The following LRP1B variants were observed in gnomAD, a reference collection of about 807,000 sequenced individuals.
LRP1B encodes the protein LDL receptor related protein 1B, also known as low-density lipoprotein receptor-related protein 1B.
In LRP1B, 217 loss-of-function variants were observed where a neutral mutation model predicts 556.6. That is an observed-to-expected ratio of 0.39 (90% CI 0.35 to 0.44). The LOEUF is 0.44. Ranked by LOEUF, LRP1B falls within the 20% of genes least tolerant of loss-of-function variation. The pLI is 1.00. For synonymous variants in LRP1B, 2,047 were observed against 1,865.8 expected, an observed-to-expected ratio of 1.10 and a Z score of -2.50; for missense variants, 5,053 against 5,620.8, an observed-to-expected ratio of 0.90 and a Z score of 3.23.
intron 3 of LRP1B, among the ~76,000 whole-genome samples, chr2:141,424,113 C>CTT (rs11465120): frequency 0.37 from 51,054 of 136,852 alleles, 10,587 homozygotes; most frequent in East Asian, 0.57. Flanking sequence ...AAGCCTTCAT[C>CTT]TTTTTTTTTT....
intron 41 of LRP1B, among the ~76,000 whole-genome samples, chr2:140,674,820 T>C (rs983124244): frequency 4.6e-5 from 7 of 152,234 alleles, no homozygotes; most frequent in African/African-American, 1.7e-4. Flanking sequence ...AGACATTTGT[T>C]ATAGCAGCAC....
chr2:141,944,770 G>C (rs1335623562), intron 1 of LRP1B, among the ~76,000 whole-genome samples: 1 of 152,076 alleles, frequency 6.6e-6, no homozygotes, highest in Non-Finnish European at 1.5e-5. Context: ...AATAAGTCAC[G>C]AATACAGGTA....
chr2:141,642,967 T>C (rs1274673894), intron 2 of LRP1B, among the ~76,000 whole-genome samples: 2 of 152,096 alleles, frequency 1.3e-5, no homozygotes, highest in South Asian at 2.1e-4. Context: ...TCGAGACCAA[T>C]GTGAACTCTA....
chr2:141,332,620 CT>C (rs900856792), intron 3 of LRP1B, among the ~76,000 whole-genome samples: 3 of 151,160 alleles, frequency 2.0e-5, no homozygotes, highest in Admixed American at 2.0e-4. Flanking sequence ...TCACAGCATT[CT>C]TTTTTTTCTT....
At chr2:142,084,801 A>G (rs1350816295) in intron 1 of LRP1B, among the ~76,000 whole-genome samples, 1 of 152,188 alleles carries the variant, frequency 6.6e-6, no homozygotes, top group Non-Finnish European at 1.5e-5. Context: ...TTAAAAGAAC[A>G]CTATCTCTTC....
intron 71 of LRP1B, among the ~76,000 whole-genome samples, chr2:140,369,837 C>T (rs1047147395): frequency 2.6e-5 from 4 of 151,836 alleles, no homozygotes; most frequent in African/African-American, 9.7e-5. Context: ...AATACATAAA[C>T]CTAGAGTGCA....
intron 31 of LRP1B, among the ~76,000 whole-genome samples, chr2:140,828,610 AAAAAAAAAAAAAAAAAAAAAAT>A: frequency 1.1e-5 from 1 of 89,842 alleles, no homozygotes; most frequent in East Asian, 4.0e-4. Flanking sequence ...CTCCGTCTCA[AAAAAAAAAAAAAAAAAAAAAAT>A]ACAAAAAATT....
intron 35 of LRP1B, among the ~76,000 whole-genome samples, chr2:140,728,416 A>AT (rs1234714602): frequency 2.6e-5 from 4 of 151,978 alleles, no homozygotes; most frequent in East Asian, 1.9e-4. Flanking sequence ...CCAAGGAGAA[A>AT]TTTTTTTATT....
intron 3 of LRP1B, among the ~76,000 whole-genome samples, chr2:141,285,356 G>A (rs1685669426): frequency 6.6e-6 from 1 of 151,494 alleles, no homozygotes; most frequent in South Asian, 2.1e-4. Context: ...CAAAGTGCTG[G>A]GATTACAGGC....
chr2:141,576,183 A>C (rs1686734736), intron 2 of LRP1B, among the ~76,000 whole-genome samples: 1 of 37,912 alleles, frequency 2.6e-5, no homozygotes, highest in Non-Finnish European at 6.8e-5. Context: ...GACCAACCCA[A>C]ATACCTAATG....
At chr2:141,585,437 G>T (rs1053497444) in intron 2 of LRP1B, among the ~76,000 whole-genome samples, 1 of 149,136 alleles carries the variant, frequency 6.7e-6, no homozygotes, top group Non-Finnish European at 1.5e-5. Flanking sequence ...GTGTGTGTGT[G>T]TGTGTGTGTG....
chr2:141,018,125 C>T (rs887826277), intron 12 of LRP1B, among the ~76,000 whole-genome samples: 1 of 151,696 alleles, frequency 6.6e-6, no homozygotes, highest in African/African-American at 2.4e-5. Flanking sequence ...AGTATTTTTT[C>T]TAGGTGGGAC....
At chr2:140,533,605 G>A (rs1690817050) in intron 47 of LRP1B, among the ~76,000 whole-genome samples, 3 of 152,274 alleles carry the variant, frequency 2.0e-5, no homozygotes, top group African/African-American at 4.8e-5. Context: ...ATTTGTTGAT[G>A]ACTGGATATG....
intron 6 of LRP1B, among the ~76,000 whole-genome samples, chr2:141,221,323 A>G (rs1030803214): frequency 6.6e-6 from 1 of 151,814 alleles, no homozygotes; most frequent in Non-Finnish European, 1.5e-5. Flanking sequence ...AGGGCATTAC[A>G]TAATGGGAAA....
intron 23 of LRP1B, among the ~76,000 whole-genome samples, chr2:140,892,349 A>G (rs1459807531): frequency 1.3e-5 from 2 of 152,190 alleles, no homozygotes; most frequent in Non-Finnish European, 2.9e-5. Flanking sequence ...AGTTTAGAAC[A>G]TAGTGTTGAT....
intron 2 of LRP1B, among the ~76,000 whole-genome samples, chr2:141,735,090 A>G (rs1169717637): frequency 1.3e-5 from 2 of 152,110 alleles, no homozygotes; most frequent in African/African-American, 2.4e-5. Flanking sequence ...TCCTTGGAGA[A>G]GCTTTAAAAA....
chr2:141,449,245 A>T (rs1681315160), intron 3 of LRP1B, among the ~76,000 whole-genome samples: 2 of 152,188 alleles, frequency 1.3e-5, no homozygotes, highest in Non-Finnish European at 2.9e-5. Context: ...GAAGCCCACC[A>T]TTGCATAGCA....
intron 7 of LRP1B, among the ~76,000 whole-genome samples, chr2:141,136,523 C>T (rs1055780780): frequency 2.0e-5 from 3 of 150,334 alleles, no homozygotes; most frequent in African/African-American, 7.3e-5. Context: ...ATTTCCTTTC[C>T]TGCTTTAATA....
intron 66 of LRP1B, among the ~76,000 whole-genome samples, chr2:140,410,630 C>A (rs1325861905): frequency 6.6e-6 from 1 of 151,960 alleles, no homozygotes; most frequent in Admixed American, 6.6e-5. Context: ...TTAATACAAC[C>A]ATTAAACACA....
Sources: gnomAD v4.1 joint callset for allele counts (sites outside exome capture counted in the v4.1 genomes callset) on GRCh38, gnomAD v4.1.1 for gene constraint, MANE v1.5 for transcripts, NCBI Gene and HGNC (gene_info 2026-07-23, HGNC 2026-07-21) for gene names.